The following IDO2 variants were observed in gnomAD, a reference collection of about 807,000 sequenced individuals.
IDO2 encodes indoleamine 2,3-dioxygenase 2.
A neutral mutation model predicts 45.1 loss-of-function variants in IDO2; 46 were observed. That is an observed-to-expected ratio of 1.02 (90% CI 0.80 to 1.30). The LOEUF (loss-of-function observed/expected upper bound fraction) is 1.30, where lower values mean the gene tolerates loss of function less well. Among genes scored for constraint, IDO2 ranks in the 50% most tolerant of loss-of-function variants. IDO2 has a pLI of 0.00. For synonymous variants in IDO2, 218 were observed against 184.9 expected (o/e 1.18, Z -1.45); for missense variants, 544 against 491.8 (o/e 1.11, Z -1.00).
chr8:39,993,885 C>T (rs2543075), intron 8 of IDO2, among the ~76,000 whole-genome samples: 85,273 of 151,622 alleles, frequency 0.56, 24,130 homozygotes, highest in South Asian at 0.59. Flanking sequence ...CACATGCCTG[C>T]AATCCCAGCT....
rs186320847 is a variant in IDO2, at chr8:40,009,071, A to G, written c.719+3693A>G. On this transcript the variant is annotated intron_variant, in intron 9 of 10. Coordinates refer to ENST00000502986, the Ensembl canonical transcript of IDO2. ...GCTTTGTCGCCCAGGCTGGAGCGCAATGGCGCAATCTTGGCTCACTGCAAC... is the reference window on the plus strand; with the variant it reads ...GCTTTGTCGCCCAGGCTGGAGCGCAGTGGCGCAATCTTGGCTCACTGCAAC... Among the ~76,000 whole-genome samples the G allele has an allele frequency of 6.1e-4, 93 of 152,100 alleles. 1 individual carries two copies. The highest frequency in any genetic ancestry group is 3.4e-3 in the Middle Eastern group (1 of 294).
chr8:39,987,970 G>A (rs1472590607), exon 7 of IDO2: 4 of 1,581,196 alleles, frequency 2.5e-6, no homozygotes, highest in Non-Finnish European at 2.6e-6. Context: ...CTGGGATAAA[G>A]GTATCTTCTC....
At chr8:39,948,113 C>T (rs993899740) in intron 1 of IDO2, among the ~76,000 whole-genome samples, 1 of 152,146 alleles carries the variant, frequency 6.6e-6, no homozygotes, top group Non-Finnish European at 1.5e-5. Context: ...CTTTACGGCA[C>T]GGAAGAACAA....
intron 8 of IDO2, among the ~76,000 whole-genome samples, chr8:40,000,891 A>G (rs1313398490): frequency 6.6e-6 from 1 of 152,284 alleles, no homozygotes; most frequent in East Asian, 1.9e-4. Flanking sequence ...TAATTCATTC[A>G]TTCAGTCTTT....
intron 3 of IDO2, among the ~76,000 whole-genome samples, chr8:39,966,320 C>T (rs941701004): frequency 2.1e-4 from 32 of 152,174 alleles, no homozygotes; most frequent in African/African-American, 7.7e-4. Context: ...AGCCACCATG[C>T]ACGGCCTCTA....
chr8:39,960,740 G>A (rs1173220859), intron 2 of IDO2, among the ~76,000 whole-genome samples: 1 of 152,166 alleles, frequency 6.6e-6, no homozygotes, highest in African/African-American at 2.4e-5. Flanking sequence ...ACCTTCTGAT[G>A]ATTCTCTACT....
chr8:39,950,971 C>T (rs1030493588), intron 2 of IDO2, among the ~76,000 whole-genome samples: 24 of 151,954 alleles, frequency 1.6e-4, no homozygotes, highest in African/African-American at 5.6e-4. Context: ...AAGAACTTTC[C>T]CATTTCTGAC....
intron 2 of IDO2, among the ~76,000 whole-genome samples, chr8:39,952,296 C>A (rs539119796): frequency 2.8e-4 from 42 of 152,298 alleles, no homozygotes; most frequent in Middle Eastern, 6.8e-3. Context: ...GAAAGGCAAG[C>A]GTCAGAGTCG....
At chr8:39,996,963 A>C (rs185938795) in intron 8 of IDO2, among the ~76,000 whole-genome samples, 14 of 152,322 alleles carry the variant, frequency 9.2e-5, no homozygotes, top group Admixed American at 2.6e-4. Context: ...TTAATAGGGC[A>C]GACAATATTT....
At chr8:39,943,735 C>CAAAAAAAAAAAAAAAAAAAAAAA in intron 1 of IDO2, among the ~76,000 whole-genome samples, 1 of 89,232 alleles carries the variant, frequency 1.1e-5, no homozygotes, top group Non-Finnish European at 2.2e-5. Flanking sequence ...GACTCCATCT[C>CAAAAAAAAAAAAAAAAAAAAAAA]AAAAAAAAAA....
intron 8 of IDO2, among the ~76,000 whole-genome samples, chr8:39,990,750 A>G (rs574359034): frequency 6.6e-6 from 1 of 152,354 alleles, no homozygotes; most frequent in East Asian, 1.9e-4. Context: ...ATTCCAGAAT[A>G]AATATCAGTT....
At chr8:39,967,158 C>T (rs1004900560) in intron 3 of IDO2, among the ~76,000 whole-genome samples, 3 of 151,948 alleles carry the variant, frequency 2.0e-5, no homozygotes, top group African/African-American at 7.3e-5. Context: ...GAGTGCAAAC[C>T]ATCAGAAAAA....
intron 8 of IDO2, chr8:39,995,291 T>TTCTTCTTCCTCTTCTTC (rs1802024993): frequency 1.4e-5 from 1 of 71,962 alleles, no homozygotes; most frequent in African/African-American, 5.4e-5. Flanking sequence ...TCTTCTTCTT[T>TTCTTCTTCCTCTTCTTC]TTTTTTTGAG....
chr8:39,988,765 A>G (rs944203155), intron 7 of IDO2, among the ~76,000 whole-genome samples: 2 of 152,168 alleles, frequency 1.3e-5, no homozygotes, highest in Admixed American at 6.5e-5. Flanking sequence ...CTGGTCCTCA[A>G]TAGGGTGACC....
At chr8:39,945,451 T>C (rs747300922) in intron 1 of IDO2, among the ~76,000 whole-genome samples, 9 of 152,240 alleles carry the variant, frequency 5.9e-5, no homozygotes, top group Non-Finnish European at 1.3e-4. Context: ...TCACTGTGTG[T>C]TCTCCGTAGG....
In IDO2 at chr8:39,963,714, C is replaced by A. The variant is rs185846937; in HGVS notation, c.195+11C>A. On this transcript the variant is annotated intron_variant, in intron 3 of 10. Coordinates refer to ENST00000502986, the Ensembl canonical transcript of IDO2. ...GCTCATGTGGACAAGGTATTCTTCT[C>A]TTCACCCCCTCATCACATTCTGTTT... is the stretch of plus-strand genomic sequence containing the variant. 2 of 1,483,892 alleles carry A rather than the reference C, an allele frequency of 1.3e-6. No individual in the cohort carries two copies. Among genetic ancestry groups the A allele is most frequent in the African/African-American group, 2.8e-5 (2 of 71,978 alleles). 91.9% of individuals were successfully genotyped at this position (1,483,892 alleles called of 1,614,324 possible).
intron 8 of IDO2, among the ~76,000 whole-genome samples, chr8:39,996,842 C>T (rs1802052804): frequency 6.6e-6 from 1 of 152,194 alleles, no homozygotes; most frequent in Non-Finnish European, 1.5e-5. Flanking sequence ...AATTCCAACA[C>T]TCTTAATAAT....
chr8:39,935,518 C>T (rs985685884), intron 1 of IDO2, among the ~76,000 whole-genome samples: 3 of 152,046 alleles, frequency 2.0e-5, no homozygotes, highest in Non-Finnish European at 2.9e-5. Flanking sequence ...GGCATGATCT[C>T]GGCTCACTGC....
intron 8 of IDO2, among the ~76,000 whole-genome samples, chr8:40,003,114 G>A (rs553035715): frequency 4.6e-5 from 7 of 152,084 alleles, no homozygotes; most frequent in South Asian, 4.2e-4. Context: ...TGGTATAAGA[G>A]AGTATATCCC....
Sources: allele counts gnomAD v4.1 joint callset (sites outside exome capture counted in the v4.1 genomes callset), GRCh38; gene constraint gnomAD v4.1.1; transcripts MANE v1.5; gene names NCBI Gene and HGNC (gene_info 2026-07-23, HGNC 2026-07-21).